The following UTRN variants were observed in gnomAD, a reference collection of about 807,000 sequenced individuals.
UTRN encodes the protein utrophin, also known as dystrophin-related protein 1.
UTRN carries 283 observed loss-of-function variants against 463.9 expected under a neutral mutation model. That is an observed-to-expected ratio of 0.61 (90% confidence interval 0.55 to 0.67). The LOEUF (loss-of-function observed/expected upper bound fraction) is 0.67. Ranked by LOEUF, UTRN falls within the 30% of genes least tolerant of loss-of-function variation. UTRN has a pLI of 0.00. For missense variants in UTRN, 3,922 were observed against 4,084.3 expected, an observed-to-expected ratio of 0.96 and a Z score of 1.08; for synonymous variants, 1,442 against 1,431.5, an observed-to-expected ratio of 1.01 and a Z score of -0.17.
intron 51 of UTRN, among the ~76,000 whole-genome samples, chr6:144,590,843 T>TACAC (rs10531216): frequency 0.061 from 8,908 of 145,950 alleles, 319 homozygotes; most frequent in African/African-American, 0.082. Flanking sequence ...TCTCTCAATC[T>TACAC]ACACACACAC....
intron 60 of UTRN, among the ~76,000 whole-genome samples, chr6:144,779,581 G>A (rs558451525): frequency 6.6e-6 from 1 of 152,234 alleles, no homozygotes; most frequent in South Asian, 2.1e-4. Flanking sequence ...AATCTGAGGG[G>A]GAGGAAGAAG....
chr6:144,741,791 T>C (rs942473876), intron 54 of UTRN, among the ~76,000 whole-genome samples: 5 of 152,328 alleles, frequency 3.3e-5, no homozygotes, highest in Middle Eastern at 3.4e-3. Flanking sequence ...TGGAGTTGCG[T>C]CTGTCTAGTG....
At chr6:144,846,969 T>C in intron 74 of UTRN, 142 bp downstream of exon 74, 1 of 1,236,582 alleles carries the variant, frequency 8.1e-7, no homozygotes, top group South Asian at 1.4e-5. Context: ...GTTGATTCTG[T>C]ACAACAGTTT....
Position 144,533,159 on chromosome 6 carries a change from G to C in UTRN, c.6132G>C (p.Gln2044His), listed in dbSNP as rs767411104. 6.2e-7 allele frequency: 1 copy of C among 1,614,124 alleles called. No individual in the cohort carries two copies. Among genetic ancestry groups the C allele is most frequent in the South Asian group, 1.1e-5 (1 of 91,086 alleles). ...ACCGAACTGGGGATGGGATTGTGCA[G>C]AAACTCTCCCAGGCAGATGGAAGCT... is the stretch of plus-strand genomic sequence containing the variant. ...ALNRTGDGIVQKLSQADGSFL... is the reference protein window; with the variant it reads ...ALNRTGDGIVHKLSQADGSFL... Residue 2044 changes from glutamine (Q) to histidine (H), a missense_variant, in exon 43 of 75, where the codon CAG (glutamine) becomes CAC (histidine). By Grantham distance (24) the Gln-to-His change is conservative. Transcript: ENST00000367545.
chr6:144,685,417 AT>A (rs528714484), intron 52 of UTRN, among the ~76,000 whole-genome samples: 19 of 152,334 alleles, frequency 1.2e-4, no homozygotes, highest in Admixed American at 9.1e-4. Flanking sequence ...GCTAGATCAC[AT>A]AGTGGATGTA....
intron 49 of UTRN, among the ~76,000 whole-genome samples, chr6:144,555,612 G>A (rs1799311091): frequency 6.6e-6 from 1 of 152,152 alleles, no homozygotes; most frequent in Admixed American, 6.5e-5. Flanking sequence ...TGTATTTTCT[G>A]TAGAGACGGG....
chr6:144,445,569 CCCT>C (rs1382961383), intron 14 of UTRN, among the ~76,000 whole-genome samples: 2 of 137,222 alleles, frequency 1.5e-5, no homozygotes, highest in African/African-American at 7.0e-5. Flanking sequence ...TCCCCCCCCG[CCCT>C]CAATCTGTGG....
chr6:144,404,969 G>T (rs1783255160), intron 3 of UTRN, among the ~76,000 whole-genome samples: 2 of 152,146 alleles, frequency 1.3e-5, no homozygotes, highest in Admixed American at 1.3e-4. Flanking sequence ...GGGGCTTTAA[G>T]TCCCATGTAA....
At chr6:144,304,183 A>G (rs1427410927) in intron 2 of UTRN, among the ~76,000 whole-genome samples, 6 of 152,206 alleles carry the variant, frequency 3.9e-5, no homozygotes, top group African/African-American at 1.4e-4. Context: ...GTGGATAACT[A>G]AAATCTACTA....
intron 51 of UTRN, among the ~76,000 whole-genome samples, chr6:144,675,536 A>T (rs946990191): frequency 1.3e-5 from 2 of 152,076 alleles, no homozygotes; most frequent in African/African-American, 4.8e-5. Context: ...CCTTCTTTGG[A>T]GCAGGGTTGT....
chr6:144,474,911 G>T (rs754920150), intron 25 of UTRN, 152 bp downstream of exon 25: 3 of 806,492 alleles, frequency 3.7e-6, no homozygotes, highest in Admixed American at 3.3e-5. Context: ...AAAAAAAAAG[G>T]CATCATTTTT....
chr6:144,770,108 A>G (rs1457452333), intron 58 of UTRN, among the ~76,000 whole-genome samples: 1 of 152,178 alleles, frequency 6.6e-6, no homozygotes, highest in Non-Finnish European at 1.5e-5. Context: ...TCTGCATTGG[A>G]GTCAAGAATC....
chr6:144,690,130 T>TGTGTGTGTGTGTGTGTGTGTG (rs1562770946), intron 52 of UTRN, among the ~76,000 whole-genome samples: 1 of 115,160 alleles, frequency 8.7e-6, no homozygotes, highest in African/African-American at 3.4e-5. Flanking sequence ...TGTGTGTGTG[T>TGTGTGTGTGTGTGTGTGTGTG]TAAGCTACCA....
intron 43 of UTRN, among the ~76,000 whole-genome samples, chr6:144,534,752 T>C (rs990358448): frequency 6.6e-6 from 1 of 152,108 alleles, no homozygotes; most frequent in Non-Finnish European, 1.5e-5. Flanking sequence ...AAAGAAAACA[T>C]CATTAAAAAG....
At chr6:144,766,699 A>G (rs1562881720) in intron 58 of UTRN, among the ~76,000 whole-genome samples, 1 of 152,050 alleles carries the variant, frequency 6.6e-6, no homozygotes, top group Non-Finnish European at 1.5e-5. Flanking sequence ...ACGAGGAAGT[A>G]GATATGGTAC....
chr6:144,760,228 T>C (rs1343678943), intron 58 of UTRN, among the ~76,000 whole-genome samples: 2 of 152,130 alleles, frequency 1.3e-5, no homozygotes, highest in East Asian at 3.8e-4. Flanking sequence ...CTTGTTCTTG[T>C]GGGGCAGAGT....
intron 58 of UTRN, among the ~76,000 whole-genome samples, chr6:144,767,872 A>G (rs956872317): frequency 2.0e-5 from 3 of 152,134 alleles, no homozygotes; most frequent in Admixed American, 6.5e-5. Flanking sequence ...ATTGGAATGG[A>G]ATGATATATA....
At position 144,499,276 on chromosome 6, in the gene UTRN, A is replaced by T. The variant is rs746891666; in HGVS notation, c.4613A>T (p.Asp1538Val). The T allele has an allele frequency of 1.2e-6, 2 of 1,612,640 alleles. No homozygotes were observed. Among genetic ancestry groups the T allele is most frequent in the Non-Finnish European group, 1.7e-6 (2 of 1,179,000 alleles). ...LGAQVTEGKQ[D>V]LERASQLARK... is the part of the protein sequence containing the mutation. ...TCTCAGGTGACAGAAGGAAAACAGG[A>T]TCTGGAAAGAGCATCACAGTTGGCC... Residue 1538 changes from aspartate to valine, a missense_variant, in exon 34 of 75, where the codon GAT (aspartate) becomes GTT (valine). Asp to Val is a radical substitution (Grantham distance 152, BLOSUM62 -3). Coordinates refer to ENST00000367545, the MANE Select transcript of UTRN (RefSeq NM_007124.3).
At chr6:144,426,483 G>C in intron 7 of UTRN, 24 bp downstream of exon 7, 1 of 1,595,554 alleles carries the variant, frequency 6.3e-7, no homozygotes, top group Non-Finnish European at 8.6e-7. Context: ...CTATCTAGAA[G>C]TGGGCTTTAC....
Sources: gnomAD v4.1 joint callset for allele counts (sites outside exome capture counted in the v4.1 genomes callset) on GRCh38, gnomAD v4.1.1 for gene constraint, MANE v1.5 for transcripts, NCBI Gene and HGNC (gene_info 2026-07-23, HGNC 2026-07-21) for gene names.